The following DNER variants were observed in gnomAD, a reference collection of about 807,000 sequenced individuals.
DNER encodes the protein delta and Notch-like epidermal growth factor-related receptor.
In DNER, 33 loss-of-function variants were observed where a neutral mutation model predicts 78.2. The observed-to-expected ratio is 0.42, with a 90% CI of 0.32 to 0.56. The LOEUF is 0.56. Ranked by LOEUF, DNER falls within the 20% of genes least tolerant of loss-of-function variation. The pLI is 0.11. For missense variants in DNER, 918 were observed against 975.3 expected (o/e 0.94, Z 0.78); for synonymous variants, 417 against 384.8 (o/e 1.08, Z -0.98).
chr2:229,464,640 G>C (rs1166745512), intron 7 of DNER, among the ~76,000 whole-genome samples: 4 of 152,172 alleles, frequency 2.6e-5, no homozygotes, highest in Admixed American at 2.6e-4. Flanking sequence ...ATCAGGCACT[G>C]CTTCAAGACT....
At chr2:229,622,485 C>T (rs1300643351) in intron 1 of DNER, among the ~76,000 whole-genome samples, 3 of 151,994 alleles carry the variant, frequency 2.0e-5, no homozygotes, top group Non-Finnish European at 4.4e-5. Context: ...CCCTGCGGGT[C>T]TTTGAACTTG....
intron 1 of DNER, among the ~76,000 whole-genome samples, chr2:229,607,567 T>C (rs907799954): frequency 1.3e-5 from 2 of 152,194 alleles, no homozygotes; most frequent in Non-Finnish European, 2.9e-5. Flanking sequence ...ACCAAATATT[T>C]TCAAGATAAT....
intron 5 of DNER, among the ~76,000 whole-genome samples, chr2:229,515,876 G>A (rs1225340521): frequency 6.6e-6 from 1 of 151,926 alleles, no homozygotes; most frequent in Non-Finnish European, 1.5e-5. Context: ...CCTGACCTCA[G>A]GGTGATCCTC....
At chr2:229,481,824 C>T (rs540235608) in intron 6 of DNER, among the ~76,000 whole-genome samples, 33 of 152,302 alleles carry the variant, frequency 2.2e-4, no homozygotes, top group Middle Eastern at 6.8e-3. Flanking sequence ...CTGATGGTAT[C>T]GATGCCACAG....
intron 7 of DNER, among the ~76,000 whole-genome samples, chr2:229,465,315 C>T (rs549422104): frequency 6.6e-6 from 1 of 152,276 alleles, no homozygotes; most frequent in Non-Finnish European, 1.5e-5. Flanking sequence ...TTGTCTTCAG[C>T]AAACTAATGC....
chr2:229,584,439 C>T (rs1232520245), intron 4 of DNER, among the ~76,000 whole-genome samples: 2 of 152,182 alleles, frequency 1.3e-5, no homozygotes, highest in Non-Finnish European at 2.9e-5. Flanking sequence ...ATTATGTCAG[C>T]ACACGAAGGC....
At chr2:229,509,576 G>C (rs1466657543) in intron 6 of DNER, among the ~76,000 whole-genome samples, 4 of 152,218 alleles carry the variant, frequency 2.6e-5, no homozygotes, top group Non-Finnish European at 2.9e-5. Flanking sequence ...GACTTTGGGA[G>C]GCCGAGATGG....
intron 5 of DNER, among the ~76,000 whole-genome samples, chr2:229,528,275 G>A (rs537468251): frequency 7.4e-4 from 112 of 152,338 alleles, no homozygotes; most frequent in Non-Finnish European, 1.1e-3. Flanking sequence ...CAAGGACCAT[G>A]AGAAGGTGAC....
intron 7 of DNER, among the ~76,000 whole-genome samples, chr2:229,451,525 C>A (rs1017592731): frequency 6.6e-6 from 1 of 152,172 alleles, no homozygotes; most frequent in Non-Finnish European, 1.5e-5. Flanking sequence ...ATTTGCATCA[C>A]CTGGTTCTAA....
chr2:229,519,665 C>T (rs185174245), intron 5 of DNER, among the ~76,000 whole-genome samples: 4 of 152,294 alleles, frequency 2.6e-5, no homozygotes, highest in Admixed American at 6.5e-5. Flanking sequence ...CAGCGGCATA[C>T]AGTCCCCTCA....
rs577977256 is a variant in DNER, at chr2:229,479,138, C to T, written c.1148-1885G>A. Among the ~76,000 whole-genome samples, 15 of 152,294 alleles carry T rather than the reference C, an allele frequency of 9.8e-5. No individual in the cohort carries two copies. In the East Asian group the frequency reaches 2.7e-3, roughly 27 times the overall value. ...GCTCCATCCATGTCCCTGCAAAGGA[C>T]ATGATCGCATTCCTTTTTATGGCTG... On this transcript the variant is annotated intron_variant, in intron 6 of 12. Transcript: ENST00000341772.
At chr2:229,598,533 G>T (rs1292445657) in intron 1 of DNER, among the ~76,000 whole-genome samples, 1 of 152,128 alleles carries the variant, frequency 6.6e-6, no homozygotes, top group African/African-American at 2.4e-5. Flanking sequence ...TTTGATTGAG[G>T]TTACCCACCC....
intron 10 of DNER, among the ~76,000 whole-genome samples, chr2:229,393,807 A>G (rs1234002198): frequency 6.6e-6 from 1 of 152,160 alleles, no homozygotes; most frequent in Non-Finnish European, 1.5e-5. Context: ...GGTTCATGCC[A>G]CTGCACTCCA....
intron 7 of DNER, among the ~76,000 whole-genome samples, chr2:229,465,537 G>C (rs1317790903): frequency 6.6e-6 from 1 of 151,976 alleles, no homozygotes; most frequent in Non-Finnish European, 1.5e-5. Context: ...ATTTACCTAT[G>C]TAACAAACCC....
chr2:229,489,338 T>C (rs1695344767), intron 6 of DNER, among the ~76,000 whole-genome samples: 1 of 152,074 alleles, frequency 6.6e-6, no homozygotes, highest in Non-Finnish European at 1.5e-5. Context: ...ATAACTGAGA[T>C]GAGGGCGGCG....
At chr2:229,670,607 T>C (rs1574555163) in intron 1 of DNER, among the ~76,000 whole-genome samples, 1 of 152,306 alleles carries the variant, frequency 6.6e-6, no homozygotes, top group East Asian at 1.9e-4. Flanking sequence ...GCAACACTAG[T>C]TCTGGGGTAA....
intron 11 of DNER, among the ~76,000 whole-genome samples, chr2:229,378,214 C>T (rs944141912): frequency 2.0e-5 from 3 of 152,138 alleles, no homozygotes; most frequent in Non-Finnish European, 4.4e-5. Flanking sequence ...CCCAGTGAGG[C>T]CCATTTTGCA....
intron 8 of DNER, among the ~76,000 whole-genome samples, chr2:229,441,155 T>G (rs2106359502): frequency 6.6e-6 from 1 of 152,228 alleles, no homozygotes; most frequent in Non-Finnish European, 1.5e-5. Flanking sequence ...GGATCCACTC[T>G]TCTTTGAACT....
chr2:229,545,802 AGAGC>A (rs1201605186), intron 5 of DNER, among the ~76,000 whole-genome samples: 1 of 152,168 alleles, frequency 6.6e-6, no homozygotes, highest in Non-Finnish European at 1.5e-5. Context: ...GGCTCCACAA[AGAGC>A]AAAGTTAATG....
Sources: allele counts gnomAD v4.1 joint callset (sites outside exome capture counted in the v4.1 genomes callset), GRCh38; gene constraint gnomAD v4.1.1; transcripts MANE v1.5; gene names NCBI Gene and HGNC (gene_info 2026-07-23, HGNC 2026-07-21).